The following RBFOX1 variants were observed in gnomAD, a reference collection of about 807,000 sequenced individuals.
RBFOX1 encodes RNA binding fox-1 homolog 1, also known as RNA binding protein fox-1 homolog 1.
RBFOX1 carries 8 observed loss-of-function variants against 57.7 expected under a neutral mutation model. That is an observed-to-expected ratio of 0.14 (90% confidence interval 0.08 to 0.25). The LOEUF (loss-of-function observed/expected upper bound fraction) is 0.25, where lower values mean the gene tolerates loss of function less well. Among genes scored for constraint, RBFOX1 ranks in the 10% least tolerant of loss-of-function variants. RBFOX1 has a pLI of 1.00. For missense variants in RBFOX1, 611 were observed against 548.5 expected, an observed-to-expected ratio of 1.11 and a Z score of -1.14; for synonymous variants, 326 against 222.4, an observed-to-expected ratio of 1.47 and a Z score of -4.15.
chr16:7,171,680 T>C (rs1278964984), intron 4 of RBFOX1, among the ~76,000 whole-genome samples: 1 of 152,172 alleles, frequency 6.6e-6, no homozygotes, highest in Non-Finnish European at 1.5e-5. Context: ...TGCAAATGGA[T>C]TTAGTTATAG....
At chr16:6,709,085 A>T (rs889925652) in intron 3 of RBFOX1, among the ~76,000 whole-genome samples, 2 of 152,132 alleles carry the variant, frequency 1.3e-5, no homozygotes, top group African/African-American at 4.8e-5. Flanking sequence ...TCAAGCACAG[A>T]TTATTAAAAT....
chr16:7,537,003 A>C (rs144725807), intron 5 of RBFOX1, among the ~76,000 whole-genome samples: 147 of 152,302 alleles, frequency 9.7e-4, no homozygotes, highest in African/African-American at 3.4e-3. Flanking sequence ...GGTGAGCAAG[A>C]AACACTCATA....
intron 1 of RBFOX1, among the ~76,000 whole-genome samples, chr16:5,245,946 C>T (rs1048665105): frequency 1.3e-5 from 2 of 152,046 alleles, no homozygotes; most frequent in African/African-American, 4.8e-5. Flanking sequence ...TTGAATTAAG[C>T]AATCTTTTAT....
chr16:6,002,389 A>G (rs376504605), intron 4 of RBFOX1, among the ~76,000 whole-genome samples: 4 of 152,242 alleles, frequency 2.6e-5, no homozygotes, highest in African/African-American at 7.2e-5. Context: ...GGAGACCCAG[A>G]GGAAGTAGCA....
intron 2 of RBFOX1, among the ~76,000 whole-genome samples, chr16:6,579,173 G>A (rs569195560): frequency 2.5e-4 from 38 of 152,222 alleles, no homozygotes; most frequent in African/African-American, 8.7e-4. Flanking sequence ...TTCATGCTTA[G>A]TTCTGTTTTT....
intron 4 of RBFOX1, among the ~76,000 whole-genome samples, chr16:7,250,664 C>A (rs1296910266): frequency 2.0e-5 from 3 of 152,208 alleles, no homozygotes; most frequent in East Asian, 1.9e-4. Context: ...TACCATTAGA[C>A]TCTTGAAGGA....
At chr16:7,424,335 C>G (rs552583790) in intron 4 of RBFOX1, among the ~76,000 whole-genome samples, 15 of 152,278 alleles carry the variant, frequency 9.9e-5, no homozygotes, top group African/African-American at 3.4e-4. Context: ...TCTTTTCTGA[C>G]TGCAACCTCT....
chr16:6,867,128 G>T (rs1158668297), intron 3 of RBFOX1, among the ~76,000 whole-genome samples: 1 of 152,110 alleles, frequency 6.6e-6, no homozygotes, highest in Non-Finnish European at 1.5e-5. Flanking sequence ...AAAGCAGTCA[G>T]GTTTTAGCTT....
At chr16:7,462,939 C>T (rs572532127) in intron 4 of RBFOX1, among the ~76,000 whole-genome samples, 2 of 152,340 alleles carry the variant, frequency 1.3e-5, no homozygotes, top group South Asian at 4.1e-4. Context: ...GGTAGTTCAG[C>T]TCTTCTCCTG....
chr16:5,478,425 A>G (rs1351857753), intron 2 of RBFOX1, among the ~76,000 whole-genome samples: 1 of 152,156 alleles, frequency 6.6e-6, no homozygotes, highest in African/African-American at 2.4e-5. Flanking sequence ...CTGCAGCATT[A>G]TTGATTACCT....
At chr16:5,337,372 C>T (rs1352460625) in intron 1 of RBFOX1, among the ~76,000 whole-genome samples, 2 of 152,182 alleles carry the variant, frequency 1.3e-5, no homozygotes, top group South Asian at 2.1e-4. Context: ...TCAAATATAA[C>T]CAGTTCCTTC....
chr16:5,603,149 T>C (rs150310159), downstream of RBFOX1, among the ~76,000 whole-genome samples: 2,553 of 152,272 alleles, frequency 0.017, 71 homozygotes, highest in African/African-American at 0.056. Flanking sequence ...TTTGGCACTG[T>C]CTCCCAGAAA....
chr16:6,907,247 C>T (rs958692484), intron 3 of RBFOX1, among the ~76,000 whole-genome samples: 4 of 152,068 alleles, frequency 2.6e-5, no homozygotes, highest in African/African-American at 2.4e-5. Flanking sequence ...GGATGGCCCC[C>T]GAAGCAAAGC....
chr16:5,918,211 C>T (rs142320382), intron 4 of RBFOX1, among the ~76,000 whole-genome samples: 2,770 of 152,250 alleles, frequency 0.018, 74 homozygotes, highest in African/African-American at 0.064. Flanking sequence ...CCTCTGCCTC[C>T]CAGGTTCAAG....
intron 1 of RBFOX1, among the ~76,000 whole-genome samples, chr16:6,159,373 G>A (rs917236477): frequency 3.3e-5 from 5 of 152,234 alleles, no homozygotes; most frequent in Admixed American, 6.5e-5. Flanking sequence ...CACCGCACAC[G>A]GCCTCTGTCA....
chr16:7,004,007 T>TA (rs1335280783), intron 3 of RBFOX1: 4 of 145,888 alleles, frequency 2.7e-5, no homozygotes, highest in East Asian at 4.1e-4. Context: ...TTTTTTTTTA[T>TA]AAAAAAAGTA....
At chr16:7,091,101 T>C (rs908952015) in intron 4 of RBFOX1, among the ~76,000 whole-genome samples, 2 of 150,472 alleles carry the variant, frequency 1.3e-5, no homozygotes, top group Admixed American at 6.7e-5. Flanking sequence ...CAATAGGTAT[T>C]TGTTTGACTT....
intron 4 of RBFOX1, among the ~76,000 whole-genome samples, chr16:7,282,617 C>T (rs1469024768): frequency 1.3e-5 from 2 of 151,666 alleles, no homozygotes; most frequent in Non-Finnish European, 2.9e-5. Context: ...ATTGGGGGAA[C>T]AGGTGGTGTT....
intron 4 of RBFOX1, among the ~76,000 whole-genome samples, chr16:7,347,765 A>G (rs996135155): frequency 1.3e-5 from 2 of 152,156 alleles, no homozygotes; most frequent in Non-Finnish European, 2.9e-5. Context: ...TCAGTGAACT[A>G]TGCCCGAGAC....
Sources: allele counts gnomAD v4.1 joint callset (sites outside exome capture counted in the v4.1 genomes callset), GRCh38; gene constraint gnomAD v4.1.1; transcripts MANE v1.5; gene names NCBI Gene and HGNC (gene_info 2026-07-23, HGNC 2026-07-21).